Variants in AUTS2 observed in about 807,000 individuals in gnomAD.
AUTS2 encodes autism susceptibility gene 2 protein.
A neutral mutation model predicts 112.4 loss-of-function variants in AUTS2; 17 were observed. The observed-to-expected ratio is 0.15, with a 90% CI of 0.10 to 0.23. AUTS2 has a LOEUF of 0.23. AUTS2 is among the 10% of genes least tolerant of loss of function. The probability of loss-of-function intolerance (pLI) is 1.00; values close to 1 mark genes in which losing one functional copy is unlikely to be tolerated. For missense variants in AUTS2, 1,510 were observed against 1,701.6 expected, an observed-to-expected ratio of 0.89 and a Z score of 1.98; for synonymous variants, 751 against 702.7, an observed-to-expected ratio of 1.07 and a Z score of -1.09.
intron 4 of AUTS2, among the ~76,000 whole-genome samples, chr7:70,334,922 G>A (rs1178937396): frequency 6.6e-6 from 1 of 152,144 alleles, no homozygotes; most frequent in African/African-American, 2.4e-5. Context: ...CTGTAAATTA[G>A]ACTGGAGGAA....
At chr7:70,559,128 C>A (rs1801373744) in intron 5 of AUTS2, among the ~76,000 whole-genome samples, 1 of 152,156 alleles carries the variant, frequency 6.6e-6, no homozygotes, top group Non-Finnish European at 1.5e-5. Flanking sequence ...TGCACATGCT[C>A]CCTCTTTGCC....
At chr7:70,149,691 T>C (rs1440515333) in intron 4 of AUTS2, among the ~76,000 whole-genome samples, 2 of 152,076 alleles carry the variant, frequency 1.3e-5, no homozygotes, top group Admixed American at 1.3e-4. Context: ...TTTTAAATTA[T>C]GATTAGTGCT....
chr7:70,332,877 G>C (rs1790821508), intron 4 of AUTS2, among the ~76,000 whole-genome samples: 1 of 152,110 alleles, frequency 6.6e-6, no homozygotes, highest in Non-Finnish European at 1.5e-5. Flanking sequence ...GAAAACCTAA[G>C]CAATACCATT....
At chr7:70,010,279 A>T (rs900503194) in intron 2 of AUTS2, among the ~76,000 whole-genome samples, 1 of 152,026 alleles carries the variant, frequency 6.6e-6, no homozygotes, top group Non-Finnish European at 1.5e-5. Context: ...CCAAGTGGCT[A>T]GTACTACAGT....
chr7:70,173,014 T>G (rs1032460673), intron 4 of AUTS2, among the ~76,000 whole-genome samples: 1 of 152,194 alleles, frequency 6.6e-6, no homozygotes. Context: ...AGTGAGGGTG[T>G]ATACTAAATG....
chr7:69,974,475 A>T (rs181514948), intron 2 of AUTS2, among the ~76,000 whole-genome samples: 21 of 152,086 alleles, frequency 1.4e-4, no homozygotes, highest in Middle Eastern at 3.4e-3. Context: ...AAAACCAGGA[A>T]AGCTGGAGAG....
At chr7:70,422,144 G>A (rs979433420) in intron 4 of AUTS2, among the ~76,000 whole-genome samples, 2 of 152,192 alleles carry the variant, frequency 1.3e-5, no homozygotes, top group African/African-American at 2.4e-5. Context: ...AGCCTAAGAT[G>A]TCTTTGGATC....
chr7:70,610,907 T>G (rs1488027307), intron 5 of AUTS2, among the ~76,000 whole-genome samples: 1 of 152,222 alleles, frequency 6.6e-6, no homozygotes, highest in African/African-American at 2.4e-5. Flanking sequence ...GATACATGAT[T>G]TGCAAATATT....
chr7:70,443,389 C>T (rs1452473124), intron 5 of AUTS2, among the ~76,000 whole-genome samples: 1 of 152,134 alleles, frequency 6.6e-6, no homozygotes, highest in Non-Finnish European at 1.5e-5. Context: ...GTTTTGTCAT[C>T]TGGAAAATGA....
intron 1 of AUTS2, among the ~76,000 whole-genome samples, chr7:69,848,290 T>A (rs994191544): frequency 6.6e-6 from 1 of 152,236 alleles, no homozygotes; most frequent in African/African-American, 2.4e-5. Context: ...TAAATAGTAC[T>A]ATAATGATAT....
chr7:69,685,496 A>C (rs1332840008), intron 1 of AUTS2, among the ~76,000 whole-genome samples: 1 of 152,198 alleles, frequency 6.6e-6, no homozygotes, highest in Non-Finnish European at 1.5e-5. Context: ...GTCTTAGACA[A>C]ACTAAGCTAT....
At chr7:70,243,231 TTGTGTGTGTG>T (rs3078161) in intron 4 of AUTS2, among the ~76,000 whole-genome samples, 5,226 of 131,722 alleles carry the variant, frequency 0.04, 155 homozygotes, top group African/African-American at 0.078. Context: ...GAATGTATCC[TTGTGTGTGTG>T]TGTGTGTGTG....
intron 5 of AUTS2, among the ~76,000 whole-genome samples, chr7:70,582,467 T>C (rs1238824169): frequency 6.6e-6 from 1 of 152,192 alleles, no homozygotes; most frequent in East Asian, 1.9e-4. Context: ...TCAGAGCTCT[T>C]GCTTTAAGTT....
chr7:70,106,065 A>G (rs1804750402), intron 2 of AUTS2, among the ~76,000 whole-genome samples: 1 of 152,106 alleles, frequency 6.6e-6, no homozygotes, highest in Non-Finnish European at 1.5e-5. Flanking sequence ...CGTTTCCTTT[A>G]CCTCACTTGC....
At chr7:69,873,323 A>G (rs1270634933) in intron 1 of AUTS2, among the ~76,000 whole-genome samples, 1 of 151,668 alleles carries the variant, frequency 6.6e-6, no homozygotes, top group Non-Finnish European at 1.5e-5. Context: ...TAGTAACCTT[A>G]CTTGGTGGTT....
At chr7:69,978,461 C>T (rs141059906) in intron 2 of AUTS2, among the ~76,000 whole-genome samples, 129 of 152,260 alleles carry the variant, frequency 8.5e-4, no homozygotes, top group Middle Eastern at 3.4e-3. Context: ...TTCAATCCAA[C>T]GAGATACTGA....
chr7:70,283,698 TA>T (rs1256710405), intron 4 of AUTS2, among the ~76,000 whole-genome samples: 2 of 152,230 alleles, frequency 1.3e-5, no homozygotes, highest in African/African-American at 4.8e-5. Context: ...ATCTGTTTGA[TA>T]CCATTCATTT....
intron 1 of AUTS2, among the ~76,000 whole-genome samples, chr7:69,707,086 C>A (rs1343306244): frequency 6.6e-6 from 1 of 152,190 alleles, no homozygotes; most frequent in East Asian, 1.9e-4. Context: ...TAACTTGAGA[C>A]CTGTTTCACA....
rs79210728 is a variant in AUTS2 at position 70,047,400 on chromosome 7, T to C, written c.523-70732T>C. ...ATTGTAGTACAGCACAGTGCTGTAT[T>C]AAATAGCAATTGCAGAGACACTTTC... On this transcript the variant is annotated intron_variant, in intron 2 of 18. Coordinates refer to ENST00000342771, the MANE Select transcript of AUTS2 (RefSeq NM_015570.4). Among the ~76,000 whole-genome samples the C allele has an allele frequency of 2.9e-3, 448 of 152,310 alleles. 5 individuals are homozygous for C. The highest frequency in any genetic ancestry group is 0.01 in the African/African-American group (434 of 41,580).
Sources: gnomAD v4.1 joint callset for allele counts (sites outside exome capture counted in the v4.1 genomes callset) on GRCh38, gnomAD v4.1.1 for gene constraint, MANE v1.5 for transcripts, NCBI Gene and HGNC (gene_info 2026-07-23, HGNC 2026-07-21) for gene names.